Variants in GNAL observed in about 807,000 individuals in gnomAD.
GNAL encodes G protein subunit alpha L.
Under a neutral mutation model 55.1 loss-of-function variants are expected in GNAL, and 18 were observed. That is an observed-to-expected ratio of 0.33 (90% CI 0.23 to 0.48). The LOEUF (loss-of-function observed/expected upper bound fraction) is 0.48, where lower values mean the gene tolerates loss of function less well. Among genes scored for constraint, GNAL ranks in the 20% least tolerant of loss-of-function variants. GNAL has a pLI of 0.99. For missense variants in GNAL, 412 were observed against 614.1 expected (o/e 0.67, Z 3.48); for synonymous variants, 253 against 237.0 (o/e 1.07, Z -0.62).
chr18:11,852,651 G>C (rs2035907033), intron 5 of GNAL: 1 of 164,308 alleles, frequency 6.1e-6, no homozygotes, highest in Non-Finnish European at 1.5e-5. Context: ...GACTGCAAAT[G>C]ATTGTTCTCA....
At chr18:11,862,722 G>A (rs1401035664) in intron 6 of GNAL, among the ~76,000 whole-genome samples, 1 of 152,038 alleles carries the variant, frequency 6.6e-6, no homozygotes, top group African/African-American at 2.4e-5. Flanking sequence ...TCCTCCTGGA[G>A]CTGTCCTCAG....
At chr18:11,804,061 A>G (rs2034594351) in intron 4 of GNAL, among the ~76,000 whole-genome samples, 1 of 150,932 alleles carries the variant, frequency 6.6e-6, no homozygotes, top group Admixed American at 6.6e-5. Context: ...TGAAGTTTGG[A>G]ACACGGAGAT....
At chr18:11,721,372 A>T (rs1450999612) in intron 1 of GNAL, among the ~76,000 whole-genome samples, 1 of 152,204 alleles carries the variant, frequency 6.6e-6, no homozygotes, top group Non-Finnish European at 1.5e-5. Context: ...TGCTCCACAG[A>T]TATTTTTACC....
intron 5 of GNAL, chr18:11,852,077 C>G: frequency 6.2e-7 from 1 of 1,610,790 alleles, no homozygotes; most frequent in Non-Finnish European, 8.5e-7. Flanking sequence ...GATGAACTGT[C>G]TCAGAGACTG....
chr18:11,813,252 C>T (rs201671513), intron 4 of GNAL, among the ~76,000 whole-genome samples: 1 of 2,596 alleles, frequency 3.9e-4, no homozygotes, highest in Non-Finnish European at 1.2e-3. Flanking sequence ...GAGACTCCAT[C>T]TTAAAAAAAA....
intron 1 of GNAL, among the ~76,000 whole-genome samples, chr18:11,737,671 G>A (rs937046211): frequency 7.9e-5 from 12 of 152,168 alleles, no homozygotes; most frequent in African/African-American, 2.7e-4. Context: ...GTTTCCATCC[G>A]CACAGGGTCA....
intron 4 of GNAL, among the ~76,000 whole-genome samples, chr18:11,778,018 G>C (rs1568022921): frequency 6.6e-6 from 1 of 152,190 alleles, no homozygotes; most frequent in Non-Finnish European, 1.5e-5. Context: ...CTCCCCACCA[G>C]CTTGTGTTGT....
At position 11,884,266 on chromosome 18, in the gene GNAL, T is replaced by C. The variant is rs1205142976; in HGVS notation, c.*3131T>C. On this transcript the variant is annotated 3_prime_UTR_variant, in exon 12 of 12. Coordinates refer to ENST00000334049, the MANE Select transcript of GNAL (RefSeq NM_182978.4). ...GTTGTAGAGTACCTGTCCACTTTTA[T>C]AGCATGAGAACAGTACAATCAACTA... 3.3e-6 allele frequency: 2 copies of C among 609,476 alleles called. No individual in the cohort carries two copies. The highest frequency in any genetic ancestry group is 5.7e-6 in the Non-Finnish European group (2 of 348,274). The allele number at this position is 609,476 out of a possible 1,614,324, so 37.8% of individuals were successfully genotyped here.
intron 3 of GNAL, 58 bp from the exon 4 acceptor site, chr18:11,753,768 G>A: frequency 6.6e-7 from 1 of 1,506,610 alleles, no homozygotes; most frequent in Non-Finnish European, 9.2e-7. Flanking sequence ...ACATATTGTA[G>A]ATTATCATAC....
intron 4 of GNAL, among the ~76,000 whole-genome samples, chr18:11,807,606 G>A (rs752230895): frequency 6.6e-6 from 1 of 152,240 alleles, no homozygotes; most frequent in African/African-American, 2.4e-5. Context: ...GTTGCCTGTT[G>A]AATTCAAGCA....
chr18:11,734,577 T>G (rs1216962034), intron 1 of GNAL, among the ~76,000 whole-genome samples: 2 of 151,644 alleles, frequency 1.3e-5, no homozygotes, highest in Non-Finnish European at 2.9e-5. Flanking sequence ...TTCTGAGAGA[T>G]TAGCAATAGC....
At chr18:11,717,709 G>T (rs1438716045) in intron 1 of GNAL, among the ~76,000 whole-genome samples, 2 of 152,150 alleles carry the variant, frequency 1.3e-5, no homozygotes, top group Non-Finnish European at 2.9e-5. Context: ...ACCAAATACT[G>T]CATGTTCTCA....
At position 11,711,592 on chromosome 18, in the gene GNAL, T is replaced by C. The variant is rs76730290; in HGVS notation, c.376+21653T>C. On this transcript the variant is annotated intron_variant, in intron 1 of 11. Coordinates refer to ENST00000334049, the MANE Select transcript of GNAL (RefSeq NM_182978.4). ...TATAGTTTCTATTTCTTTGTTGATA[T>C]TCTAATTTTATGCATACATAGTTTT... Among the ~76,000 whole-genome samples, 11 of 152,334 alleles carry C rather than the reference T, an allele frequency of 7.2e-5. No individual in the cohort carries two copies. In the East Asian group the frequency reaches 1.9e-3, roughly 27 times the overall value.
At chr18:11,724,404 G>A (rs935796538) in intron 1 of GNAL, among the ~76,000 whole-genome samples, 7 of 152,152 alleles carry the variant, frequency 4.6e-5, no homozygotes, top group African/African-American at 9.7e-5. Context: ...TAGTTCTGCC[G>A]GCTAAAAGGA....
chr18:11,695,918 GCATGCACACA>G (rs1299763342), intron 1 of GNAL, among the ~76,000 whole-genome samples: 6 of 147,582 alleles, frequency 4.1e-5, no homozygotes, highest in Admixed American at 1.3e-4. Context: ...ATGCATGCAC[GCATGCACACA>G]CACACACACA....
chr18:11,727,170 AGCCCTGCAAGGCC>A (rs2032231965), intron 1 of GNAL, among the ~76,000 whole-genome samples: 2 of 151,962 alleles, frequency 1.3e-5, no homozygotes, highest in Admixed American at 1.3e-4. Context: ...CACCCTGCCC[AGCCCTGCAAGGCC>A]CTTCCCTAGG....
chr18:11,708,423 T>C (rs1215753916), intron 1 of GNAL, among the ~76,000 whole-genome samples: 1 of 152,126 alleles, frequency 6.6e-6, no homozygotes, highest in Non-Finnish European at 1.5e-5. Flanking sequence ...CTTATATGGG[T>C]GCTATACGTG....
intron 4 of GNAL, among the ~76,000 whole-genome samples, chr18:11,795,390 C>CAAAAAAAAA (rs752221474): frequency 1.5e-5 from 1 of 68,260 alleles, no homozygotes; most frequent in East Asian, 4.1e-4. Context: ...GACCCTGTCT[C>CAAAAAAAAA]AAAAAAAAAA....
At chr18:11,879,712 C>T (rs1483093083) in intron 11 of GNAL, among the ~76,000 whole-genome samples, 2 of 152,228 alleles carry the variant, frequency 1.3e-5, no homozygotes, top group Non-Finnish European at 2.9e-5. Context: ...TGTCCCCACA[C>T]CCACTGCACT....
Sources: allele counts gnomAD v4.1 joint callset (sites outside exome capture counted in the v4.1 genomes callset), GRCh38; gene constraint gnomAD v4.1.1; transcripts MANE v1.5; gene names NCBI Gene and HGNC (gene_info 2026-07-23, HGNC 2026-07-21).